The following WWOX variants were observed in gnomAD, a reference collection of about 807,000 sequenced individuals.
WWOX encodes WW domain-containing oxidoreductase.
In WWOX, 69 loss-of-function variants were observed where a neutral mutation model predicts 46.2. The observed-to-expected ratio is 1.49, with a 90% confidence interval of 1.23 to 1.82. WWOX has a LOEUF of 1.82. Ranked by LOEUF, WWOX falls within the 40% of genes most tolerant of loss-of-function variation. The pLI is 0.00. For missense variants in WWOX, 919 were observed against 542.6 expected (o/e 1.69, Z -6.89); for synonymous variants, 359 against 202.6 (o/e 1.77, Z -6.56).
In WWOX at chr16:78,859,838, ATT is replaced by A. The variant is rs11311004; in HGVS notation, c.1057-351761_1057-351760del. Among the ~76,000 whole-genome samples, 107 of 151,744 alleles carry A rather than the reference ATT, an allele frequency of 7.1e-4. 2 individuals carry two copies. The highest frequency in any genetic ancestry group is 1.2e-3 in the Non-Finnish European group (79 of 67,958). ...GGAAATTTAATGTGATTTAACAGTG[ATT>A]TTTTTTTTAAAGACATTATTTGCAT... On this transcript the variant is annotated intron_variant, in intron 8 of 8. Transcript: ENST00000566780.
chr16:78,321,363 T>TATATATACGC (rs2080474412), intron 5 of WWOX, among the ~76,000 whole-genome samples: 1 of 46,970 alleles, frequency 2.1e-5, no homozygotes, highest in Admixed American at 2.4e-4. Context: ...TATATGCGTA[T>TATATATACGC]ATATATACGT....
intron 8 of WWOX, among the ~76,000 whole-genome samples, chr16:79,080,410 A>T (rs931215652): frequency 2.0e-5 from 3 of 152,178 alleles, no homozygotes; most frequent in Admixed American, 6.5e-5. Context: ...ACCTAGAACC[A>T]AATTGCCTAA....
intron 8 of WWOX, among the ~76,000 whole-genome samples, chr16:78,938,107 T>A (rs2045779557): frequency 6.6e-6 from 1 of 152,168 alleles, no homozygotes; most frequent in African/African-American, 2.4e-5. Context: ...ACCCTGTGAT[T>A]TTATTTTTCA....
At position 78,704,919 on chromosome 16, in the gene WWOX, T is replaced by TG. The variant is rs1491430616; in HGVS notation, c.1056+272168dup. ...CTGCTTCTTCCTCTAAAATACAACT[T>TG]GTTTTTTTTTTTTTTAAAGAGGAGG... On this transcript the variant is annotated intron_variant, in intron 8 of 8. Coordinates refer to ENST00000566780, the MANE Select transcript of WWOX (RefSeq NM_016373.4). 3.1e-5 allele frequency among the ~76,000 whole-genome samples: 3 copies of TG among 97,212 alleles called. No homozygotes were observed. The East Asian group carries it at 8.1e-4, about 26-fold the overall frequency. 63.8% of individuals were successfully genotyped at this position (97,212 alleles called of 152,430 possible).
chr16:78,722,178 A>C (rs1332843214), intron 8 of WWOX, among the ~76,000 whole-genome samples: 1 of 152,188 alleles, frequency 6.6e-6, no homozygotes, highest in African/African-American at 2.4e-5. Flanking sequence ...CTGTCTGTCC[A>C]GTAGAGGACA....
At chr16:78,445,237 T>C (rs1334598896) in intron 8 of WWOX, among the ~76,000 whole-genome samples, 1 of 152,130 alleles carries the variant, frequency 6.6e-6, no homozygotes, top group African/African-American at 2.4e-5. Context: ...CCATACCCCA[T>C]CTATTTCCAC....
At chr16:78,738,822 C>T (rs2049149122) in intron 8 of WWOX, among the ~76,000 whole-genome samples, 1 of 152,108 alleles carries the variant, frequency 6.6e-6, no homozygotes, top group Non-Finnish European at 1.5e-5. Flanking sequence ...TCTCCTAGTC[C>T]TAATATTAAG....
chr16:78,969,816 A>G (rs897011198), intron 8 of WWOX, among the ~76,000 whole-genome samples: 9 of 152,186 alleles, frequency 5.9e-5, no homozygotes, highest in African/African-American at 1.9e-4. Context: ...AGAAACAGAA[A>G]GTAGAGTGGT....
At chr16:78,506,929 G>C (rs547219108) in intron 8 of WWOX, among the ~76,000 whole-genome samples, 14 of 152,006 alleles carry the variant, frequency 9.2e-5, no homozygotes, top group Non-Finnish European at 1.0e-4. Context: ...GGCCATATTG[G>C]TCTTGAACTC....
chr16:78,760,168 C>T lies in WWOX; in HGVS notation c.1056+327416C>T, dbSNP rs146698194. 3.5e-3 allele frequency among the ~76,000 whole-genome samples: 529 copies of T among 152,272 alleles called. 8 individuals carry two copies. The highest frequency in any genetic ancestry group is 0.012 in the African/African-American group (500 of 41,566). Reference sequence around the variant, plus strand: ...CGGAAGGCAAAAGGCACATCTCACACGGCAGCAGACGAGAGAGAGTGACAG... The same window carrying T: ...CGGAAGGCAAAAGGCACATCTCACATGGCAGCAGACGAGAGAGAGTGACAG... On this transcript the variant is annotated intron_variant, in intron 8 of 8. Transcript: ENST00000566780.
At chr16:78,508,696 TG>T (rs1372547887) in intron 8 of WWOX, among the ~76,000 whole-genome samples, 2 of 152,132 alleles carry the variant, frequency 1.3e-5, no homozygotes, top group Non-Finnish European at 2.9e-5. Flanking sequence ...GAAGAAACGC[TG>T]GTGGTCATGG....
At chr16:78,155,396 A>G (rs1201662698) in intron 4 of WWOX, among the ~76,000 whole-genome samples, 1 of 152,230 alleles carries the variant, frequency 6.6e-6, no homozygotes, top group Non-Finnish European at 1.5e-5. Flanking sequence ...TATGTAAGAT[A>G]GTATAAGATA....
chr16:78,637,273 A>T (rs1051458631), intron 8 of WWOX, among the ~76,000 whole-genome samples: 3 of 151,880 alleles, frequency 2.0e-5, no homozygotes, highest in African/African-American at 4.8e-5. Context: ...CCCTTCCCAT[A>T]TCTACTAAAA....
intron 5 of WWOX, among the ~76,000 whole-genome samples, chr16:78,178,364 T>G (rs1275905181): frequency 4.6e-5 from 7 of 152,230 alleles, no homozygotes; most frequent in Non-Finnish European, 1.0e-4. Context: ...ATTGGACAGT[T>G]GGAAATGTCA....
intron 8 of WWOX, among the ~76,000 whole-genome samples, chr16:78,715,400 C>T (rs551025560): frequency 4.3e-4 from 65 of 152,244 alleles, no homozygotes; most frequent in African/African-American, 1.5e-3. Flanking sequence ...CGTAGATGGC[C>T]ACCACAGGTT....
At chr16:78,890,981 G>C (rs762074032) in intron 8 of WWOX, 5 of 152,112 alleles carry the variant, frequency 3.3e-5, no homozygotes, top group Non-Finnish European at 7.3e-5. Context: ...AGCATACAGT[G>C]GGCCTCATTC....
chr16:78,839,420 G>C (rs2052079182), intron 8 of WWOX, among the ~76,000 whole-genome samples: 1 of 152,116 alleles, frequency 6.6e-6, no homozygotes, highest in Admixed American at 6.5e-5. Flanking sequence ...CATTGATTTT[G>C]ACAAAAGACA....
intron 8 of WWOX, among the ~76,000 whole-genome samples, chr16:79,209,429 G>GTCTT (rs1322950168): frequency 6.6e-6 from 1 of 152,184 alleles, no homozygotes; most frequent in African/African-American, 2.4e-5. Flanking sequence ...GACTGCTTTG[G>GTCTT]TCTTTCCTCA....
intron 8 of WWOX, among the ~76,000 whole-genome samples, chr16:78,705,383 C>T (rs369603888): frequency 6.6e-6 from 1 of 152,158 alleles, no homozygotes; most frequent in Non-Finnish European, 1.5e-5. Flanking sequence ...AAAGGGACTT[C>T]TTTGGGGAGA....
Sources: gnomAD v4.1 joint callset for allele counts (sites outside exome capture counted in the v4.1 genomes callset) on GRCh38, gnomAD v4.1.1 for gene constraint, MANE v1.5 for transcripts, NCBI Gene and HGNC (gene_info 2026-07-23, HGNC 2026-07-21) for gene names.